AXDND1: variants seen among roughly 807,000 people sequenced by gnomAD.
AXDND1 encodes the protein axonemal dynein light chain domain-containing protein 1.
AXDND1 carries 110 observed loss-of-function variants against 137.5 expected under a neutral mutation model. The ratio of observed to expected loss-of-function variants is 0.80; its 90% confidence interval spans 0.69 to 0.94. AXDND1 has a LOEUF of 0.94. Ranked by LOEUF, AXDND1 falls within the 40% of genes least tolerant of loss-of-function variation. The pLI is 0.00. For synonymous variants in AXDND1, 414 were observed against 399.7 expected (o/e 1.04, Z -0.43); for missense variants, 1,191 against 1,169.8 (o/e 1.02, Z -0.26).
At chr1:179,432,433 T>G (rs1455449385) in intron 15 of AXDND1, 91 bp downstream of exon 15, 1 of 1,403,704 alleles carries the variant, frequency 7.1e-7, no homozygotes, top group East Asian at 2.8e-5. Flanking sequence ...CCCATCCTTT[T>G]TTTTTTTTGG....
chr1:179,408,651 A>G (rs1653358629), intron 11 of AXDND1, among the ~76,000 whole-genome samples: 1 of 152,202 alleles, frequency 6.6e-6, no homozygotes, highest in Admixed American at 6.5e-5. Context: ...TGCTGAGGTT[A>G]CAGGCATGAG....
intron 16 of AXDND1, chr1:179,449,060 AT>A (rs1660143141): frequency 2.4e-6 from 1 of 419,024 alleles, no homozygotes; most frequent in Non-Finnish European, 4.7e-6. Flanking sequence ...TAATTTTTTT[AT>A]TTTTTGTAGA....
intron 12 of AXDND1, among the ~76,000 whole-genome samples, chr1:179,421,159 T>G (rs1040963930): frequency 1.3e-5 from 2 of 151,894 alleles, no homozygotes; most frequent in African/African-American, 4.8e-5. Context: ...GTTCTATATT[T>G]TATTGCATTG....
intron 16 of AXDND1, among the ~76,000 whole-genome samples, chr1:179,461,351 A>G (rs974596464): frequency 9.2e-5 from 14 of 152,174 alleles, no homozygotes; most frequent in Non-Finnish European, 1.8e-4. Flanking sequence ...CTTAAAGATC[A>G]GATGGTTGTA....
intron 12 of AXDND1, among the ~76,000 whole-genome samples, chr1:179,411,604 G>A (rs556631274): frequency 3.9e-5 from 6 of 151,974 alleles, no homozygotes; most frequent in African/African-American, 1.4e-4. Context: ...CTTTGAAAAG[G>A]AAAAGTTGAA....
intron 21 of AXDND1, among the ~76,000 whole-genome samples, chr1:179,512,095 T>C (rs1669112119): frequency 6.6e-6 from 1 of 152,242 alleles, no homozygotes; most frequent in African/African-American, 2.4e-5. Flanking sequence ...TATCTTTGTT[T>C]TATTGCATTT....
At chr1:179,542,995 G>C (rs1466776721) in intron 25 of AXDND1, among the ~76,000 whole-genome samples, 1 of 152,142 alleles carries the variant, frequency 6.6e-6, no homozygotes, top group African/African-American at 2.4e-5. Flanking sequence ...AAATCCATAG[G>C]TTAAATCCAT....
At chr1:179,407,117 G>A (rs1403910592) in intron 11 of AXDND1, among the ~76,000 whole-genome samples, 7 of 152,058 alleles carry the variant, frequency 4.6e-5, no homozygotes, top group African/African-American at 1.7e-4. Context: ...TGGTCTAGTG[G>A]TGATGAATTT....
At chr1:179,462,584 TC>T (rs1662513212) in intron 16 of AXDND1, among the ~76,000 whole-genome samples, 1 of 152,248 alleles carries the variant, frequency 6.6e-6, no homozygotes, top group Non-Finnish European at 1.5e-5. Context: ...GCGGATTCCC[TC>T]TTTTTCTATT....
chr1:179,474,085 C>T (rs111246863), intron 17 of AXDND1, among the ~76,000 whole-genome samples: 14,357 of 151,362 alleles, frequency 0.095, 953 homozygotes, highest in African/African-American at 0.18. Context: ...ATTAGTCGGG[C>T]GTGGTGGTGG....
At position 179,371,020 on chromosome 1, in the gene AXDND1, A is replaced by G. The variant is rs114797121; in HGVS notation, c.374+942A>G. Among the ~76,000 whole-genome samples, 479 of 152,334 alleles carry G rather than the reference A, an allele frequency of 3.1e-3. 3 individuals carry two copies. The highest frequency in any genetic ancestry group is 0.01 in the African/African-American group (429 of 41,572). The stretch of plus-strand genomic sequence containing the variant: ...GTACTGAGGCTTTATATTTTATTCT[A>G]TGCCTCCGGATCATGGTTATAATTA... On this transcript the variant is annotated intron_variant, in intron 4 of 25. Coordinates refer to ENST00000367618, the MANE Select transcript of AXDND1 (RefSeq NM_144696.6).
intron 25 of AXDND1, among the ~76,000 whole-genome samples, chr1:179,537,907 TG>T (rs1671717034): frequency 1.3e-5 from 2 of 152,330 alleles, no homozygotes; most frequent in South Asian, 4.1e-4. Flanking sequence ...GACGTCTTCC[TG>T]GTTTAGTCTT....
chr1:179,518,158 T>G (rs1669717195), intron 21 of AXDND1, among the ~76,000 whole-genome samples: 1 of 152,226 alleles, frequency 6.6e-6, no homozygotes, highest in Admixed American at 6.5e-5. Flanking sequence ...ATATGTCTCC[T>G]CGTAGCTTTA....
chr1:179,500,335 T>TTGTG lies in AXDND1; in HGVS notation c.2388+7385_2388+7386insGTGT, dbSNP rs1471655924. The stretch of plus-strand genomic sequence containing the variant: ...ATATAGCCATTAATTGCAGGGTACA[T>TTGTG]TATGTGTGTGTGTGTGTGTGTGTGT... On this transcript the variant is annotated intron_variant, in intron 20 of 25. Coordinates refer to ENST00000367618, the MANE Select transcript of AXDND1 (RefSeq NM_144696.6). Among the ~76,000 whole-genome samples, 57 of 107,020 alleles carry TTGTG rather than the reference T, an allele frequency of 5.3e-4. 1 individual carries two copies. In the East Asian group the frequency reaches 0.011, roughly 21 times the overall value. 70.2% of individuals were successfully genotyped at this position (107,020 alleles called of 152,430 possible).
chr1:179,528,381 GA>G lies in AXDND1; in HGVS notation c.2669del (p.Asn890MetfsTer35), dbSNP rs1408508441. 1 of 1,613,886 alleles carries G rather than the reference GA, an allele frequency of 6.2e-7. No individual in the cohort carries two copies. The highest frequency in any genetic ancestry group is 8.5e-7 in the Non-Finnish European group (1 of 1,179,926). ...ACTCATTCGATTCATTGGAGAAGAT[GA>G]AAATGTTCATTCCAAACCTCTATTT... The part of the protein sequence containing the change: ...EKLIRFIGED[E>X]NVHSKPLFET... On this transcript the variant is annotated frameshift_variant, in exon 23 of 26. Coordinates refer to ENST00000367618, the MANE Select transcript of AXDND1 (RefSeq NM_144696.6). LOFTEE classifies it high-confidence loss of function.
chr1:179,468,314 A>T, intron 16 of AXDND1, 129 bp from the exon 17 acceptor site: 1 of 630,590 alleles, frequency 1.6e-6, no homozygotes, highest in Non-Finnish European at 2.7e-6. Flanking sequence ...GTTCTCTGCT[A>T]GTCAAGCTGT....
In AXDND1 at chr1:179,534,908, C is replaced by CAAGAAG. The variant is rs745667364; in HGVS notation, c.2987_2992dup (p.Glu996_Glu997dup). On this transcript the variant is annotated inframe_insertion, in exon 25 of 26. Transcript: ENST00000367618. ...AGAAGTAAAAGAAGAAGAAGAACAA[C>CAAGAAG]AAGAAGAAGAAGAAGTCAGGTCAGC... 1.3e-6 allele frequency: 2 copies of CAAGAAG among 1,595,758 alleles called. No individual in the cohort carries two copies. Among genetic ancestry groups the CAAGAAG allele is most frequent in the Non-Finnish European group, 1.7e-6 (2 of 1,168,878 alleles).
At position 179,465,926 on chromosome 1, in the gene AXDND1, G is replaced by A. The variant is rs140068451; in HGVS notation, c.1799-2517G>A. Among the ~76,000 whole-genome samples the A allele has an allele frequency of 1.7e-3, 263 of 152,342 alleles. 2 individuals are homozygous for A. Among genetic ancestry groups the A allele is most frequent in the South Asian group, 6.4e-3 (31 of 4,832 alleles). Reference sequence around the variant, plus strand: ...GGGTGTCGGACCCTCTGAGCCAGGCGCGGGATATAATCTCCTGGTGTGCCG... The same window carrying A: ...GGGTGTCGGACCCTCTGAGCCAGGCACGGGATATAATCTCCTGGTGTGCCG... On this transcript the variant is annotated intron_variant, in intron 16 of 25. Transcript: ENST00000367618.
chr1:179,432,839 G>C (rs1357225663), intron 15 of AXDND1, among the ~76,000 whole-genome samples: 1 of 151,662 alleles, frequency 6.6e-6, no homozygotes, highest in Non-Finnish European at 1.5e-5. Context: ...GGAGTCACAG[G>C]TTGCAGTGAG....
Sources: allele counts gnomAD v4.1 joint callset (sites outside exome capture counted in the v4.1 genomes callset), GRCh38; gene constraint gnomAD v4.1.1; transcripts MANE v1.5; gene names NCBI Gene and HGNC (gene_info 2026-07-23, HGNC 2026-07-21).